Variants in NHEJ1 observed in about 807,000 individuals in gnomAD.
The protein encoded by NHEJ1 is non-homologous end joining factor 1.
Under a neutral mutation model 39.4 loss-of-function variants are expected in NHEJ1, and 22 were observed. The observed-to-expected ratio is 0.56, with a 90% CI of 0.40 to 0.80. NHEJ1 has a LOEUF of 0.80. Among genes scored for constraint, NHEJ1 ranks in the 30% least tolerant of loss-of-function variants. The pLI is 0.00. For missense variants in NHEJ1, 329 were observed against 357.1 expected, an observed-to-expected ratio of 0.92 and a Z score of 0.63; for synonymous variants, 154 against 135.6, an observed-to-expected ratio of 1.14 and a Z score of -0.94.
At position 219,070,502 on chromosome 2, in the gene NHEJ1, AT is replaced by A. The variant is rs1479373727; in HGVS notation, c.*5878del. Among the ~76,000 whole-genome samples, 3 of 151,438 alleles carry A rather than the reference AT, an allele frequency of 2.0e-5. No homozygotes were observed. The highest frequency in any genetic ancestry group is 7.3e-5 in the African/African-American group (3 of 41,144). On this transcript the variant is annotated 3_prime_UTR_variant, in exon 8 of 8. Coordinates refer to ENST00000356853, the MANE Select transcript of NHEJ1 (RefSeq NM_024782.3). ...CCACTGCGCCTGGCCCACCACGCTA[AT>A]TTTAAAAATGTTTTGCAAAGACAGG...
intron 5 of NHEJ1, among the ~76,000 whole-genome samples, chr2:219,092,834 G>A (rs1263506928): frequency 7.9e-5 from 12 of 152,180 alleles, no homozygotes; most frequent in Non-Finnish European, 1.5e-4. Context: ...GCTGTGGGGG[G>A]CAGAGATAAG....
chr2:219,125,738 C>G (rs1251388281), intron 5 of NHEJ1: 1 of 152,282 alleles, frequency 6.6e-6, no homozygotes, highest in Admixed American at 6.5e-5. Flanking sequence ...TTTAACTTGG[C>G]CTTGTGGCCA....
intron 5 of NHEJ1, among the ~76,000 whole-genome samples, chr2:219,081,100 G>C (rs1949063014): frequency 6.6e-6 from 1 of 152,166 alleles, no homozygotes; most frequent in Admixed American, 6.5e-5. Flanking sequence ...GACAAGAAAA[G>C]GGAGCAGATA....
intron 3 of NHEJ1, among the ~76,000 whole-genome samples, chr2:219,149,557 G>A (rs1278568281): frequency 3.3e-5 from 5 of 152,110 alleles, no homozygotes; most frequent in African/African-American, 9.7e-5. Flanking sequence ...CAGAGGTTGC[G>A]GTGAGCCAAG....
intron 5 of NHEJ1, among the ~76,000 whole-genome samples, chr2:219,088,961 C>T (rs1949136403): frequency 6.6e-6 from 1 of 152,100 alleles, no homozygotes; most frequent in African/African-American, 2.4e-5. Context: ...TACAGGCGCC[C>T]ACCACCACAC....
At position 219,074,197 on chromosome 2, in the gene NHEJ1, T is replaced by C. The variant is rs1383829515; in HGVS notation, c.*2184A>G. ...TTACTAGCTATATTCTTACTTAACC[T>C]TTTTAGAAAGTCACACATTCTTTTT... On this transcript the variant is annotated 3_prime_UTR_variant, in exon 8 of 8. Transcript: ENST00000356853. 1.3e-5 allele frequency among the ~76,000 whole-genome samples: 2 copies of C among 152,202 alleles called. No individual in the cohort carries two copies. Among genetic ancestry groups the C allele is most frequent in the Non-Finnish European group, 2.9e-5 (2 of 68,036 alleles).
rs546584921 is a variant in NHEJ1, at chr2:219,131,262, C to T, written c.588+15418G>A. Reference sequence around the variant, plus strand: ...CACCTCCTGGGGACTCTATACATTGCGGGGGTCACCAAAGGTCCAGAGTCT... The same window carrying T: ...CACCTCCTGGGGACTCTATACATTGTGGGGGTCACCAAAGGTCCAGAGTCT... On this transcript the variant is annotated intron_variant, in intron 5 of 7. Coordinates refer to ENST00000356853, the MANE Select transcript of NHEJ1 (RefSeq NM_024782.3). Among the ~76,000 whole-genome samples the T allele has an allele frequency of 7.2e-5, 11 of 152,214 alleles. No homozygotes were observed. The South Asian group carries it at 2.1e-3, about 29-fold the overall frequency.
chr2:219,119,196 G>A (rs944535652), intron 5 of NHEJ1, among the ~76,000 whole-genome samples: 1 of 152,162 alleles, frequency 6.6e-6, no homozygotes, highest in Non-Finnish European at 1.5e-5. Flanking sequence ...AAACCTATCT[G>A]TAAAGAAGTG....
intron 5 of NHEJ1, among the ~76,000 whole-genome samples, chr2:219,140,163 G>A (rs1223558486): frequency 6.6e-6 from 1 of 152,226 alleles, no homozygotes; most frequent in African/African-American, 2.4e-5. Flanking sequence ...ACTTAAGAGT[G>A]TTAGAAAAAC....
chr2:219,131,495 A>C (rs1949578402), intron 5 of NHEJ1, among the ~76,000 whole-genome samples: 1 of 152,234 alleles, frequency 6.6e-6, no homozygotes, highest in Non-Finnish European at 1.5e-5. Flanking sequence ...TGTTAAACAC[A>C]GGAAAAGGGC....
intron 5 of NHEJ1, chr2:219,095,408 TCAC>T: frequency 2.2e-6 from 1 of 463,518 alleles, no homozygotes. Flanking sequence ...TTAAAAGATC[TCAC>T]CATCAAGTTC....
At chr2:219,083,064 G>C (rs973918929) in intron 5 of NHEJ1, among the ~76,000 whole-genome samples, 1 of 152,164 alleles carries the variant, frequency 6.6e-6, no homozygotes, top group Non-Finnish European at 1.5e-5. Context: ...CTCCCCCTTC[G>C]CCAATCCATT....
intron 5 of NHEJ1, among the ~76,000 whole-genome samples, chr2:219,137,586 A>AAAAC (rs1949645381): frequency 1.4e-5 from 2 of 138,812 alleles, no homozygotes; most frequent in African/African-American, 5.1e-5. Flanking sequence ...AAAAAAAAAA[A>AAAAC]AAAAAACAAA....
At chr2:219,136,907 T>C (rs1430125008) in intron 5 of NHEJ1, among the ~76,000 whole-genome samples, 2 of 152,106 alleles carry the variant, frequency 1.3e-5, no homozygotes, top group African/African-American at 4.8e-5. Context: ...CTGGCCCCAT[T>C]TGTATTTTCT....
intron 5 of NHEJ1, among the ~76,000 whole-genome samples, chr2:219,137,570 C>CAAAAAAAAAAAAAAAAAAAAAAAAAAAA (rs58279021): frequency 5.8e-5 from 2 of 34,716 alleles, no homozygotes; most frequent in Non-Finnish European, 1.2e-4. Context: ...GTGTTACAGG[C>CAAAAAAAAAAAAAAAAAAAAAAAAAAAA]AAAAAAAAAA....
intron 5 of NHEJ1, among the ~76,000 whole-genome samples, chr2:219,097,169 T>C (rs1949216378): frequency 6.6e-6 from 1 of 152,226 alleles, no homozygotes; most frequent in African/African-American, 2.4e-5. Flanking sequence ...TATAATGTTC[T>C]ATAGGTTAAG....
At chr2:219,081,911 C>T (rs1949070775) in intron 5 of NHEJ1, among the ~76,000 whole-genome samples, 1 of 152,160 alleles carries the variant, frequency 6.6e-6, no homozygotes, top group African/African-American at 2.4e-5. Flanking sequence ...TCATGGGAAG[C>T]AAGACTAGAA....
rs1949369297 is a variant in NHEJ1 at position 219,111,892 on chromosome 2, C to A, written c.589-33686G>T. Among the ~76,000 whole-genome samples, 1 of 152,120 alleles carries A rather than the reference C, an allele frequency of 6.6e-6. No homozygotes were observed. The highest frequency in any genetic ancestry group is 6.5e-5 in the Admixed American group (1 of 15,272). On this transcript the variant is annotated intron_variant, in intron 5 of 7. Coordinates refer to ENST00000356853, the MANE Select transcript of NHEJ1 (RefSeq NM_024782.3). The surrounding 1 kb of genome is among the most constrained non-coding windows in gnomAD (Gnocchi z 4.1). ...AGCATCATGGCAGGATGGGGCGAGG[C>A]CATGCTTTAGGGGTGGGGGGATGAA...
chr2:219,096,822 A>T (rs1949213003), intron 5 of NHEJ1, among the ~76,000 whole-genome samples: 1 of 152,182 alleles, frequency 6.6e-6, no homozygotes, highest in African/African-American at 2.4e-5. Context: ...GAGGTCAGAA[A>T]GATTATAGGG....
Sources: allele counts gnomAD v4.1 joint callset (sites outside exome capture counted in the v4.1 genomes callset), GRCh38; gene constraint gnomAD v4.1.1; non-coding constraint Gnocchi (gnomAD v3.1); transcripts MANE v1.5; gene names NCBI Gene and HGNC (gene_info 2026-07-23, HGNC 2026-07-21).